Variants in LRCH1 observed in about 807,000 individuals in gnomAD.
The protein encoded by LRCH1 is leucine rich repeats and calponin homology domain containing 1.
In LRCH1, 23 loss-of-function variants were observed where a neutral mutation model predicts 94.9. That is an observed-to-expected ratio of 0.24 (90% CI 0.17 to 0.34). The LOEUF is 0.34. LRCH1 is among the 10% of genes least tolerant of loss of function. The pLI, the probability that LRCH1 is intolerant of heterozygous loss-of-function variation, is 1.00. For synonymous variants in LRCH1, 364 were observed against 354.9 expected, an observed-to-expected ratio of 1.03 and a Z score of -0.29; for missense variants, 790 against 945.9, an observed-to-expected ratio of 0.84 and a Z score of 2.16.
chr13:46,658,677 C>T (rs182702168), intron 2 of LRCH1, among the ~76,000 whole-genome samples: 6 of 152,152 alleles, frequency 3.9e-5, no homozygotes, highest in Admixed American at 6.5e-5. Context: ...GATGGAGTCT[C>T]GCTCTGTGGC....
chr13:46,596,367 G>A (rs2050563164), intron 1 of LRCH1, among the ~76,000 whole-genome samples: 1 of 152,166 alleles, frequency 6.6e-6, no homozygotes, highest in Non-Finnish European at 1.5e-5. Flanking sequence ...ATAAATCAAA[G>A]CATCTTTACT....
chr13:46,554,046 G>GT (rs770887116), intron 1 of LRCH1, among the ~76,000 whole-genome samples: 25 of 152,246 alleles, frequency 1.6e-4, no homozygotes, highest in Non-Finnish European at 3.4e-4. Flanking sequence ...TGCGCGCAGT[G>GT]TAAGTGGGAG....
chr13:46,691,154 G>A (rs966875147), intron 7 of LRCH1, among the ~76,000 whole-genome samples: 4 of 152,206 alleles, frequency 2.6e-5, no homozygotes, highest in Non-Finnish European at 5.9e-5. Context: ...CTCCTGAAAT[G>A]TGTTTTGTGG....
At chr13:46,574,821 G>GTTTTTTT (rs1566151493) in intron 1 of LRCH1, among the ~76,000 whole-genome samples, 4 of 134,514 alleles carry the variant, frequency 3.0e-5, no homozygotes, top group Admixed American at 7.2e-5. Context: ...TTGTGTGTGG[G>GTTTTTTT]GTTTTTTTTT....
At chr13:46,701,544 T>G (rs865991007) in intron 11 of LRCH1, among the ~76,000 whole-genome samples, 20 of 152,308 alleles carry the variant, frequency 1.3e-4, no homozygotes, top group Middle Eastern at 3.4e-3. Context: ...ACCCCTGATT[T>G]ATAAAAAATA....
Position 46,719,510 on chromosome 13 carries a change from C to T in LRCH1, c.1760-3711C>T, listed in dbSNP as rs548097548. Among the ~76,000 whole-genome samples the T allele has an allele frequency of 4.6e-5, 7 of 152,216 alleles. No homozygotes were observed. The East Asian group carries it at 7.7e-4, about 17-fold the overall frequency. Reference sequence around the variant, plus strand: ...TGCTCACAGAAGACAGAGATTACTCCCAGCTCAGAGATGAGGATGGGGTAA... The same window carrying T: ...TGCTCACAGAAGACAGAGATTACTCTCAGCTCAGAGATGAGGATGGGGTAA... On this transcript the variant is annotated intron_variant, in intron 16 of 19. Coordinates refer to ENST00000389797, the MANE Select transcript of LRCH1 (RefSeq NM_001164211.2).
chr13:46,605,294 G>A (rs551714633), intron 1 of LRCH1, among the ~76,000 whole-genome samples: 2 of 152,282 alleles, frequency 1.3e-5, no homozygotes, highest in East Asian at 1.9e-4. Context: ...GTTTTCCTGG[G>A]CTGGGCTCCA....
chr13:46,697,567 G>A (rs1871261265), intron 9 of LRCH1, among the ~76,000 whole-genome samples: 1 of 152,160 alleles, frequency 6.6e-6, no homozygotes, highest in Admixed American at 6.5e-5. Flanking sequence ...ACACAACAGT[G>A]TGAAAACATG....
At chr13:46,651,126 A>G (rs1290959221) in intron 2 of LRCH1, among the ~76,000 whole-genome samples, 2 of 152,184 alleles carry the variant, frequency 1.3e-5, no homozygotes, top group African/African-American at 4.8e-5. Flanking sequence ...CATCAAATAT[A>G]TCTTTACGGT....
At position 46,679,498 on chromosome 13, in the gene LRCH1, T is replaced by C. The variant is rs181211081; in HGVS notation, c.580-2243T>C. Among the ~76,000 whole-genome samples the C allele has an allele frequency of 2.9e-4, 44 of 152,308 alleles. 1 individual carries two copies. The highest frequency in any genetic ancestry group is 9.6e-4 in the African/African-American group (40 of 41,556). ...TACTGACTCAGCGAGGGGCTGAGAG[T>C]GACTGAACACGATCTCTGGACCTCC... On this transcript the variant is annotated intron_variant, in intron 3 of 19. Transcript: ENST00000389797.
At chr13:46,564,790 A>C (rs1460509547) in intron 1 of LRCH1, among the ~76,000 whole-genome samples, 1 of 152,238 alleles carries the variant, frequency 6.6e-6, no homozygotes, top group Non-Finnish European at 1.5e-5. Flanking sequence ...TAGAAGCGAA[A>C]ATGCTCTTTA....
chr13:46,708,619 C>T (rs1871899382), intron 13 of LRCH1, among the ~76,000 whole-genome samples: 1 of 152,202 alleles, frequency 6.6e-6, no homozygotes, highest in African/African-American at 2.4e-5. Context: ...GATTTACTAA[C>T]TACCCAATTC....
chr13:46,629,382 G>A (rs1036140396), intron 1 of LRCH1, among the ~76,000 whole-genome samples: 3 of 152,158 alleles, frequency 2.0e-5, no homozygotes, highest in African/African-American at 7.2e-5. Flanking sequence ...TACACTTTAT[G>A]TGTTCTTGTG....
intron 17 of LRCH1, among the ~76,000 whole-genome samples, chr13:46,728,335 C>T (rs1338261936): frequency 2.6e-5 from 4 of 152,122 alleles, no homozygotes; most frequent in Admixed American, 2.6e-4. Context: ...CCTGCCTCAG[C>T]TTCCCAAGTA....
chr13:46,740,103 G>T (rs1021810458), intron 19 of LRCH1, among the ~76,000 whole-genome samples: 1 of 152,144 alleles, frequency 6.6e-6, no homozygotes, highest in African/African-American at 2.4e-5. Context: ...GGATTTCCCT[G>T]GTCAAGCACA....
At chr13:46,575,692 G>A (rs2050297114) in intron 1 of LRCH1, among the ~76,000 whole-genome samples, 1 of 152,206 alleles carries the variant, frequency 6.6e-6, no homozygotes, top group Admixed American at 6.5e-5. Context: ...TTGAAAGCAA[G>A]ATCAGTGTGT....
In LRCH1 at chr13:46,744,399, C is replaced by A. The variant is rs142825995; in HGVS notation, c.*2551C>A. ...TATTCTCTTTCTCCAGTTTCTCCAA[C>A]TGGTGGCAACTCTCCACTCAGTGTC... On this transcript the variant is annotated 3_prime_UTR_variant, in exon 20 of 20. Coordinates refer to ENST00000389797, the MANE Select transcript of LRCH1 (RefSeq NM_001164211.2). The A allele has an allele frequency of 8.3e-3, 8,169 of 985,334 alleles. 37 individuals carry two copies. The highest frequency in any genetic ancestry group is 9.3e-3 in the Non-Finnish European group (7,680 of 829,918). The allele number at this position is 985,334 out of a possible 1,614,324, so 61.0% of individuals were successfully genotyped here.
chr13:46,618,136 T>G (rs775728963), intron 1 of LRCH1, among the ~76,000 whole-genome samples: 10 of 152,194 alleles, frequency 6.6e-5, no homozygotes, highest in Non-Finnish European at 1.5e-4. Flanking sequence ...CGTGGCCTAC[T>G]GCACACATAG....
Position 46,601,082 on chromosome 13 carries a change from G to T in LRCH1, c.307+47379G>T, listed in dbSNP as rs1015096315. Among the ~76,000 whole-genome samples, 3 of 152,310 alleles carry T rather than the reference G, an allele frequency of 2.0e-5. No individual in the cohort carries two copies. In the East Asian group the frequency reaches 5.8e-4, roughly 29 times the overall value. Reference sequence around the variant, plus strand: ...AATCACAAGCCAACCCACCCTATCCGTTAAAGGGCTCAGGCCCATTGGTCT... The same window carrying T: ...AATCACAAGCCAACCCACCCTATCCTTTAAAGGGCTCAGGCCCATTGGTCT... On this transcript the variant is annotated intron_variant, in intron 1 of 19. Transcript: ENST00000389797.
Sources: gnomAD v4.1 joint callset for allele counts (sites outside exome capture counted in the v4.1 genomes callset) on GRCh38, gnomAD v4.1.1 for gene constraint, MANE v1.5 for transcripts, NCBI Gene and HGNC (gene_info 2026-07-23, HGNC 2026-07-21) for gene names.